NTMT1: variants seen among roughly 807,000 people sequenced by gnomAD.
NTMT1 encodes N-terminal RCC1 methyltransferase.
Under a neutral mutation model 17.5 loss-of-function variants are expected in NTMT1, and 8 were observed. The observed-to-expected ratio is 0.46, with a 90% confidence interval of 0.27 to 0.82. The LOEUF is 0.82. NTMT1 is among the 40% of genes least tolerant of loss of function. The probability of loss-of-function intolerance (pLI) is 0.15; values close to 1 mark genes in which losing one functional copy is unlikely to be tolerated. For synonymous variants in NTMT1, 128 were observed against 126.8 expected (o/e 1.01, Z -0.06); for missense variants, 221 against 303.5 (o/e 0.73, Z 2.02).
chr9:129,621,135 G>A (rs1437272125), intron 1 of NTMT1, among the ~76,000 whole-genome samples: 2 of 152,342 alleles, frequency 1.3e-5, no homozygotes, highest in South Asian at 2.1e-4. Context: ...TGTTCAAAGC[G>A]TGGAACTGTT....
chr9:129,613,465 G>C lies in NTMT1; in HGVS notation c.-55+4287G>C, dbSNP rs770576697. The stretch of plus-strand genomic sequence containing the variant: ...AGCGCAGTCCCAACACGAGGAGCTG[G>C]CCAGGGTCTCCTCCTTGGCCCCAGG... On this transcript the variant is annotated intron_variant, in intron 1 of 3. Transcript: ENST00000372486. This position sits in a 1 kb window ranked among gnomAD's most constrained non-coding sequence, Gnocchi z 6.2. 1 of 1,613,928 alleles carries C rather than the reference G, an allele frequency of 6.2e-7. No individual in the cohort carries two copies. The highest frequency in any genetic ancestry group is 1.3e-5 in the African/African-American group (1 of 74,918).
At chr9:129,621,777 C>T (rs889011239), upstream of NTMT1, among the ~76,000 whole-genome samples, 2 of 152,184 alleles carry the variant, frequency 1.3e-5, no homozygotes, top group Admixed American at 6.5e-5. Flanking sequence ...CCACACCCCA[C>T]TCCCAGATTG....
At chr9:129,628,260 A>C (rs1054297505) in intron 1 of NTMT1, among the ~76,000 whole-genome samples, 1 of 152,184 alleles carries the variant, frequency 6.6e-6, no homozygotes, top group Non-Finnish European at 1.5e-5. Flanking sequence ...ACGAGGCAAA[A>C]TGTAGCCAGG....
chr9:129,615,411 C>T (rs1219835576), intron 1 of NTMT1: 50 of 1,449,114 alleles, frequency 3.5e-5, no homozygotes, highest in South Asian at 8.4e-5. Flanking sequence ...TCTAGGGGCC[C>T]GGAGCTACAG....
In NTMT1 at chr9:129,635,663, G is replaced by C. The variant is rs1204242869; in HGVS notation, c.*199G>C. The C allele has an allele frequency of 4.6e-6, 3 of 650,264 alleles. No individual in the cohort carries two copies. Among genetic ancestry groups the C allele is most frequent in the Admixed American group, 2.8e-5 (1 of 35,480 alleles). The allele number at this position is 650,264 out of a possible 1,614,324, so 40.3% of individuals were successfully genotyped here. ...GCGGGGAGGGTGCTGCTGAACCAGC[G>C]GTGAGGCAGGAGCCCAGACCCTGCT... On this transcript the variant is annotated 3_prime_UTR_variant, in exon 4 of 4. Coordinates refer to ENST00000372483, the MANE Select transcript of NTMT1 (RefSeq NM_014064.4).
chr9:129,633,022 A>G (rs1019934334), intron 2 of NTMT1, 157 bp downstream of exon 2: 1 of 756,390 alleles, frequency 1.3e-6, no homozygotes, highest in African/African-American at 1.8e-5. Flanking sequence ...CTGGGTGGGC[A>G]CAGTGGGGTA....
rs769519161 is a variant in NTMT1 at position 129,613,619 on chromosome 9, G to A, written c.-55+4441G>A. 1.3e-5 allele frequency: 21 copies of A among 1,613,624 alleles called. No homozygotes were observed. The highest frequency in any genetic ancestry group is 1.6e-5 in the Non-Finnish European group (19 of 1,179,874). ...TGGACTGCAGGAAAGAGGGCAGGGT[G>A]AGATCTCTGCCCAGGAGGAGGGCAC... On this transcript the variant is annotated intron_variant, in intron 1 of 3. Coordinates refer to the NTMT1 transcript ENST00000372486. This position sits in a 1 kb window ranked among gnomAD's most constrained non-coding sequence, Gnocchi z 6.2.
intron 1 of NTMT1, among the ~76,000 whole-genome samples, chr9:129,631,407 C>T (rs1831158265): frequency 6.6e-6 from 1 of 152,214 alleles, no homozygotes; most frequent in African/African-American, 2.4e-5. Flanking sequence ...GAATGGCCAC[C>T]CGTGGAGCAC....
In NTMT1 at chr9:129,616,372, C is replaced by T. The variant is rs370577085; in HGVS notation, c.-55+7194C>T. On this transcript the variant is annotated intron_variant, in intron 1 of 3. Transcript: ENST00000372486. ...CTGGGACTACAGGCGTGTGCCACCA[C>T]GCCCGGCTAATTTTTGTATTTTTAG... Among the ~76,000 whole-genome samples, 426 of 152,238 alleles carry T rather than the reference C, an allele frequency of 2.8e-3. 3 individuals carry two copies. Among genetic ancestry groups the T allele is most frequent in the African/African-American group, 9.4e-3 (391 of 41,556 alleles).
At chr9:129,634,952 G>A in intron 3 of NTMT1, 2 of 509,312 alleles carry the variant, frequency 3.9e-6, no homozygotes, top group East Asian at 3.5e-5. Context: ...TAGGTATCAG[G>A]CAGGACTTGT....
chr9:129,626,208 T>A lies in NTMT1; in HGVS notation c.-142T>A, dbSNP rs1268417736. 1 of 152,126 alleles carries A rather than the reference T, an allele frequency of 6.6e-6. No individual in the cohort carries two copies. Among genetic ancestry groups the A allele is most frequent in the Non-Finnish European group, 1.5e-5 (1 of 68,030 alleles). The allele number at this position is 152,126 out of a possible 1,614,324, so 9.4% of individuals were successfully genotyped here. Reference sequence around the variant, plus strand: ...GCGTCTGGTCGTGGTCTGGCGGAGCTGCGGTTGGCTTGTGGCGTCTCCGCC... The same window carrying A: ...GCGTCTGGTCGTGGTCTGGCGGAGCAGCGGTTGGCTTGTGGCGTCTCCGCC... On this transcript the variant is annotated 5_prime_UTR_variant, in exon 1 of 4. Transcript: ENST00000372483.
chr9:129,619,864 C>G (rs1490847505), intron 1 of NTMT1: 2 of 1,607,170 alleles, frequency 1.2e-6, no homozygotes, highest in African/African-American at 2.7e-5. Context: ...TGAGCCTTGG[C>G]TGGGGGACGG....
chr9:129,622,060 C>T (rs1410904749), upstream of NTMT1, among the ~76,000 whole-genome samples: 3 of 152,182 alleles, frequency 2.0e-5, no homozygotes, highest in East Asian at 1.9e-4. Flanking sequence ...ATGCCCTGGC[C>T]GCAGCCACCT....
chr9:129,613,845 C>A lies in NTMT1; in HGVS notation c.-55+4667C>A, dbSNP rs1830215065. On this transcript the variant is annotated intron_variant, in intron 1 of 3. Coordinates refer to the NTMT1 transcript ENST00000372486. This position sits in a 1 kb window ranked among gnomAD's most constrained non-coding sequence, Gnocchi z 6.2. ...ACTCACGCTGCAGCCGGAAGCGTGC[C>A]CCCTTTCTCGCAGTGGGGAGACCAC... 6.6e-6 allele frequency among the ~76,000 whole-genome samples: 1 copy of A among 152,220 alleles called. No individual in the cohort carries two copies. Among genetic ancestry groups the A allele is most frequent in the South Asian group, 2.1e-4 (1 of 4,828 alleles).
intron 1 of NTMT1, chr9:129,612,470 G>A: frequency 6.2e-7 from 1 of 1,603,192 alleles, no homozygotes; most frequent in Non-Finnish European, 8.5e-7. Flanking sequence ...GTGAGACAGA[G>A]GACCAGCTGG....
chr9:129,633,990 TGAG>T (rs2118976817), intron 2 of NTMT1, 61 bp from the exon 3 acceptor site: 1 of 1,551,024 alleles, frequency 6.4e-7, no homozygotes, highest in East Asian at 2.3e-5. Context: ...CTAGGGCTCG[TGAG>T]GAAGGGCCGC....
rs1554774681 is a variant in NTMT1 at position 129,620,253 on chromosome 9, C to CCGACAGCAGGGGAGG, written c.-55+11078_-55+11092dup. On this transcript the variant is annotated intron_variant, in intron 1 of 3. Transcript: ENST00000372486. The surrounding 1 kb of genome is among the most constrained non-coding windows in gnomAD (Gnocchi z 5.8). ...GGCGCCGATTCCCGGGACGCGCCGGCCGACAGCAGGGGAGGCGGCAGCAGG... is the reference window on the plus strand; with the variant it reads ...GGCGCCGATTCCCGGGACGCGCCGGCCGACAGCAGGGGAGGCGACAGCAGGGGAGGCGGCAGCAGG... 2.3e-5 allele frequency: 31 copies of CCGACAGCAGGGGAGG among 1,338,166 alleles called. No homozygotes were observed. The highest frequency in any genetic ancestry group is 2.8e-5 in the Non-Finnish European group (29 of 1,039,090). The allele number at this position is 1,338,166 out of a possible 1,614,324, so 82.9% of individuals were successfully genotyped here.
Position 129,620,556 on chromosome 9 carries a change from G to C in NTMT1, c.-55+11378G>C, listed in dbSNP as rs781024658. ...GGCGCCAGGTCCTGGGCCCCTGGGC[G>C]AAGTCGACGCCAGAACATGCTTGGC... On this transcript the variant is annotated intron_variant, in intron 1 of 3. Transcript: ENST00000372486. This position sits in a 1 kb window ranked among gnomAD's most constrained non-coding sequence, Gnocchi z 5.8. The C allele has an allele frequency of 1.8e-5, 25 of 1,389,302 alleles. No individual in the cohort carries two copies. Among genetic ancestry groups the C allele is most frequent in the Non-Finnish European group, 2.2e-5 (24 of 1,068,730 alleles). 86.1% of individuals were successfully genotyped at this position (1,389,302 alleles called of 1,614,324 possible).
At chr9:129,617,527 T>C (rs1038610997) in intron 1 of NTMT1, among the ~76,000 whole-genome samples, 4 of 152,250 alleles carry the variant, frequency 2.6e-5, no homozygotes, top group Non-Finnish European at 5.9e-5. Context: ...TGCTCTTGAA[T>C]GTGAAAGTCT....
Sources: allele counts gnomAD v4.1 joint callset (sites outside exome capture counted in the v4.1 genomes callset), GRCh38; gene constraint gnomAD v4.1.1; non-coding constraint Gnocchi (gnomAD v3.1); transcripts MANE v1.5; gene names NCBI Gene and HGNC (gene_info 2026-07-23, HGNC 2026-07-21).